The following PRDM8 variants were observed in gnomAD, a reference collection of about 807,000 sequenced individuals.
The protein encoded by PRDM8 is PR/SET domain 8.
A neutral mutation model predicts 46.5 loss-of-function variants in PRDM8; 13 were observed. That is an observed-to-expected ratio of 0.28 (90% CI 0.18 to 0.44). PRDM8 has a LOEUF of 0.44. Among genes scored for constraint, PRDM8 ranks in the 20% least tolerant of loss-of-function variants. The probability of loss-of-function intolerance (pLI) is 1.00; values close to 1 mark genes in which losing one functional copy is unlikely to be tolerated. For synonymous variants in PRDM8, 473 were observed against 438.4 expected (o/e 1.08, Z -0.98); for missense variants, 998 against 955.0 (o/e 1.04, Z -0.59).
At chr4:80,186,611 A>G (rs1372089250) in intron 1 of PRDM8, among the ~76,000 whole-genome samples, 1 of 152,116 alleles carries the variant, frequency 6.6e-6, no homozygotes, top group East Asian at 1.9e-4. Context: ...AGAGGGCTGA[A>G]GGAGAGCACT....
At chr4:80,186,430 G>GGAGA (rs70944766) in intron 1 of PRDM8, among the ~76,000 whole-genome samples, 1,730 of 129,988 alleles carry the variant, frequency 0.013, 60 homozygotes, top group African/African-American at 0.02. Context: ...AAGGCAGGGT[G>GGAGA]GAGAGAGAGA....
chr4:80,197,768 GTC>G lies in PRDM8; in HGVS notation c.-3+7_-3+8del, dbSNP rs1197204330. The stretch of plus-strand genomic sequence containing the variant: ...TCTATACTGACCTTATTCCTGGTAA[GTC>G]TATTTGCATTGATGTGGGAGGGGGA... On this transcript the variant is annotated splice_donor_region_variant and intron_variant, in intron 1 of 3. Coordinates refer to ENST00000415738, the MANE Select transcript of PRDM8 (RefSeq NM_001099403.2). 1 of 985,324 alleles carries G rather than the reference GTC, an allele frequency of 1.0e-6. No individual in the cohort carries two copies. Among genetic ancestry groups the G allele is most frequent in the Non-Finnish European group, 1.2e-6 (1 of 829,560 alleles). 61.0% of individuals were successfully genotyped at this position (985,324 alleles called of 1,614,324 possible). A position where few individuals can be genotyped will look rare whatever the true frequency, so the allele number is the denominator to read the frequency against.
intron 1 of PRDM8, among the ~76,000 whole-genome samples, chr4:80,188,093 C>A (rs1457903414): frequency 6.6e-6 from 1 of 152,228 alleles, no homozygotes; most frequent in Non-Finnish European, 1.5e-5. Flanking sequence ...CTTTCTACCA[C>A]AAGCTACTTC....
At chr4:80,198,994 G>GTTTTTTTTTTTTTTT (rs1310531623) in intron 1 of PRDM8, among the ~76,000 whole-genome samples, 365 of 63,396 alleles carry the variant, frequency 5.8e-3, no homozygotes, top group Middle Eastern at 0.012. Context: ...TTTTTTTTTT[G>GTTTTTTTTTTTTTTT]TTTTTTTTTT....
chr4:80,199,685 T>TTA (rs1738271624), intron 1 of PRDM8, among the ~76,000 whole-genome samples: 2 of 129,318 alleles, frequency 1.5e-5, no homozygotes, highest in Non-Finnish European at 3.3e-5. Context: ...GTTTAAAAAA[T>TTA]TATATATATG....
chr4:80,203,445 G>C lies in PRDM8; in HGVS notation c.1983G>C (p.Arg661=). The C allele has an allele frequency of 1.2e-6, 2 of 1,613,326 alleles. No homozygotes were observed. The highest frequency in any genetic ancestry group is 1.7e-6 in the Non-Finnish European group (2 of 1,179,772). ...CGATGGAGCCCTTGGTGAAGCGGCGGCGAGAGGAGAAACTCAAGTGCCCCA... is the reference window on the plus strand; with the variant it reads ...CGATGGAGCCCTTGGTGAAGCGGCGCCGAGAGGAGAAACTCAAGTGCCCCA... ...EYAMEPLVKR[R]REEKLKCPIC... is the part of the protein sequence containing the mutation. The change falls in exon 4 of 4, where the codon CGG becomes CGC. Residue 661 remains arginine (R), a synonymous_variant. Coordinates refer to ENST00000415738, the MANE Select transcript of PRDM8 (RefSeq NM_001099403.2).
chr4:80,196,094 C>G, upstream of PRDM8: 1 of 984,328 alleles, frequency 1.0e-6, no homozygotes, highest in Non-Finnish European at 1.2e-6. Flanking sequence ...AGAGAAGGGT[C>G]TCAAAGCTGG....
At position 80,201,984 on chromosome 4, in the gene PRDM8, G is replaced by T; in HGVS notation, c.522G>T (p.Leu174=). The part of the protein sequence containing the change: ...FQFEFPYVAH[L]RFRCPKRLHS... The stretch of plus-strand genomic sequence containing the variant: ...TTGAGTTCCCCTATGTGGCGCATCT[G>T]CGTTTCCGCTGCCCCAAGAGACTTC... The change falls in exon 4 of 4, where the codon CTG becomes CTT. Residue 174 remains leucine, a synonymous_variant. Transcript: ENST00000415738. 1 of 1,614,150 alleles carries T rather than the reference G, an allele frequency of 6.2e-7. No individual in the cohort carries two copies. Among genetic ancestry groups the T allele is most frequent in the Non-Finnish European group, 8.5e-7 (1 of 1,180,022 alleles).
At chr4:80,196,723 A>T, upstream of PRDM8, 8 of 898,114 alleles carry the variant, frequency 8.9e-6, no homozygotes, top group Non-Finnish European at 1.1e-5. Context: ...GGGGGGAAAA[A>T]CCCCACGAAA....
intron 1 of PRDM8, among the ~76,000 whole-genome samples, chr4:80,189,347 G>A (rs1737368080): frequency 6.6e-6 from 1 of 152,138 alleles, no homozygotes; most frequent in Non-Finnish European, 1.5e-5. Flanking sequence ...AGCTGGGCAT[G>A]GGAGGATGGA....
upstream of PRDM8, chr4:80,196,380 G>C: frequency 1.0e-6 from 1 of 985,494 alleles, no homozygotes; most frequent in Non-Finnish European, 1.2e-6. Context: ...TGAAAAAGAA[G>C]CCCGAGATTC....
chr4:80,203,665 C>T lies in PRDM8; in HGVS notation c.*133C>T. 1 of 1,386,922 alleles carries T rather than the reference C, an allele frequency of 7.2e-7. No individual in the cohort carries two copies. Among genetic ancestry groups the T allele is most frequent in the Non-Finnish European group, 9.4e-7 (1 of 1,068,984 alleles). The allele number at this position is 1,386,922 out of a possible 1,614,324, so 85.9% of individuals were successfully genotyped here. A position where few individuals can be genotyped will look rare whatever the true frequency, so the allele number is the denominator to read the frequency against. On this transcript the variant is annotated 3_prime_UTR_variant, in exon 4 of 4. Transcript: ENST00000415738. ...CAAAGACACATACATTCACCGCCCC[C>T]CCGCCCCCCCAACGCGCACACACAC... is the stretch of plus-strand genomic sequence containing the variant.
At chr4:80,192,335 G>A (rs964307471) in intron 2 of PRDM8, among the ~76,000 whole-genome samples, 2 of 152,198 alleles carry the variant, frequency 1.3e-5, no homozygotes, top group Non-Finnish European at 2.9e-5. Flanking sequence ...AGAAAAGGGT[G>A]GCACACAGGT....
intron 1 of PRDM8, among the ~76,000 whole-genome samples, chr4:80,199,709 A>ATGTGTG (rs34334135): frequency 0.035 from 4,664 of 132,952 alleles, 272 homozygotes; most frequent in African/African-American, 0.12. Context: ...ATATATATAT[A>ATGTGTG]TGTGTGTGTG....
At position 80,187,244 on chromosome 4, in the gene PRDM8, T is replaced by TGG. The variant is rs1234830907; in HGVS notation, c.-983+1729_-983+1730dup. 6.7e-3 allele frequency among the ~76,000 whole-genome samples: 603 copies of TGG among 89,920 alleles called. 37 individuals are homozygous for TGG. The highest frequency in any genetic ancestry group is 0.024 in the African/African-American group (548 of 22,972). The allele number at this position is 89,920 out of a possible 152,430, so 59.0% of individuals were successfully genotyped here. On this transcript the variant is annotated intron_variant, in intron 1 of 9. Coordinates refer to the PRDM8 transcript ENST00000339711. ...GTTGCTGTATCAGCATTCTCTGCCC[T>TGG]GGGGCGGGGGGAAGCAGAAGAATAT...
chr4:80,196,015 A>G (rs1439476181), upstream of PRDM8: 1 of 978,092 alleles, frequency 1.0e-6, no homozygotes, highest in African/African-American at 1.8e-5. Context: ...CTCCTCAGCA[A>G]AATCCTCCCC....
chr4:80,187,244 T>TGCGGGGGGGGGGGG (rs60061648), intron 1 of PRDM8, among the ~76,000 whole-genome samples: 8 of 89,874 alleles, frequency 8.9e-5, no homozygotes, highest in Admixed American at 1.1e-4. Flanking sequence ...TTCTCTGCCC[T>TGCGGGGGGGGGGGG]GGGGCGGGGG....
chr4:80,194,150 T>G (rs185469552), upstream of PRDM8: 49 of 939,058 alleles, frequency 5.2e-5, no homozygotes, highest in African/African-American at 7.8e-4. Context: ...TATCAACCTC[T>G]CTCCAGCCCA....
chr4:80,195,282 T>A (rs371984248), upstream of PRDM8, among the ~76,000 whole-genome samples: 39 of 152,334 alleles, frequency 2.6e-4, 1 homozygote, highest in African/African-American at 9.4e-4. Context: ...ATGACTCTCT[T>A]ATGGCTACTT....
Sources: gnomAD v4.1 joint callset for allele counts (sites outside exome capture counted in the v4.1 genomes callset) on GRCh38, gnomAD v4.1.1 for gene constraint, MANE v1.5 for transcripts, NCBI Gene and HGNC (gene_info 2026-07-23, HGNC 2026-07-21) for gene names.